SVIL: variants seen among roughly 807,000 people sequenced by gnomAD.
The protein encoded by SVIL is archvillin.
SVIL carries 101 observed loss-of-function variants against 240.4 expected under a neutral mutation model. That is an observed-to-expected ratio of 0.42 (90% CI 0.36 to 0.50). The LOEUF is 0.50. SVIL is among the 20% of genes least tolerant of loss of function. The pLI, the probability that SVIL is intolerant of heterozygous loss-of-function variation, is 0.01. For missense variants in SVIL, 2,512 were observed against 2,818.7 expected, an observed-to-expected ratio of 0.89 and a Z score of 2.46; for synonymous variants, 999 against 1,100.0, an observed-to-expected ratio of 0.91 and a Z score of 1.82.
chr10:29,464,429 AC>A (rs1944644954), intron 34 of SVIL, among the ~76,000 whole-genome samples: 1 of 152,148 alleles, frequency 6.6e-6, no homozygotes, highest in South Asian at 2.1e-4. Context: ...ACAGAGTAAG[AC>A]CCTGTCTCTA....
At chr10:29,696,849 C>T (rs1962081440) in intron 1 of SVIL, among the ~76,000 whole-genome samples, 1 of 150,834 alleles carries the variant, frequency 6.6e-6, no homozygotes. Context: ...CGGCCAACCG[C>T]CCTGTCCGGG....
chr10:29,459,463 A>C (rs1943973728), intron 36 of SVIL, among the ~76,000 whole-genome samples: 1 of 152,208 alleles, frequency 6.6e-6, no homozygotes, highest in Non-Finnish European at 1.5e-5. Context: ...AAACACCAGA[A>C]GCCTCCAAAT....
chr10:29,712,781 A>C (rs868435715), intron 1 of SVIL, among the ~76,000 whole-genome samples: 2 of 152,238 alleles, frequency 1.3e-5, no homozygotes, highest in Non-Finnish European at 2.9e-5. Flanking sequence ...AAAGAGAGGA[A>C]TGCGGAAGGT....
At chr10:29,637,194 A>T (rs1958338606), upstream of SVIL, among the ~76,000 whole-genome samples, 1 of 152,186 alleles carries the variant, frequency 6.6e-6, no homozygotes. Flanking sequence ...AAAAAGAAGA[A>T]AAAAGTTAGT....
chr10:29,634,413 C>T lies in SVIL; in HGVS notation c.-201+7G>A, dbSNP rs1242303063. On this transcript the variant is annotated splice_region_variant and intron_variant, in intron 1 of 37. Coordinates refer to ENST00000355867, the MANE Select transcript of SVIL (RefSeq NM_021738.3). ...CATTTAGATTTATAGGAAGATTTTT[C>T]ACTTACTTCAAATTTCTGTATAATC... 6.6e-6 allele frequency: 1 copy of T among 152,068 alleles called. No individual in the cohort carries two copies. The highest frequency in any genetic ancestry group is 1.5e-5 in the Non-Finnish European group (1 of 68,012). 9.4% of individuals were successfully genotyped at this position (152,068 alleles called of 1,614,324 possible).
chr10:29,647,626 T>A (rs74131921), intron 3 of SVIL, among the ~76,000 whole-genome samples: 1 of 113,136 alleles, frequency 8.8e-6, no homozygotes, highest in South Asian at 2.7e-4. Context: ...CAAATATAGG[T>A]GTGTGTGTGT....
intron 1 of SVIL, among the ~76,000 whole-genome samples, chr10:29,611,090 T>C (rs188204015): frequency 7.8e-4 from 119 of 152,232 alleles, no homozygotes; most frequent in Non-Finnish European, 1.5e-3. Context: ...GTAACACTTA[T>C]ACCCAACTCA....
chr10:29,559,178 T>A (rs531137849), intron 3 of SVIL, among the ~76,000 whole-genome samples: 1 of 152,084 alleles, frequency 6.6e-6, no homozygotes, highest in South Asian at 2.1e-4. Flanking sequence ...TGGTTGAAAA[T>A]CTTGAAGGTT....
chr10:29,675,145 C>A (rs2133066568), intron 2 of SVIL, among the ~76,000 whole-genome samples: 1 of 152,272 alleles, frequency 6.6e-6, no homozygotes, highest in Middle Eastern at 3.4e-3. Flanking sequence ...AGCAATCAGG[C>A]CAATGAGCCC....
At chr10:29,615,981 A>C (rs1362852770) in intron 1 of SVIL, among the ~76,000 whole-genome samples, 1 of 152,232 alleles carries the variant, frequency 6.6e-6, no homozygotes, top group African/African-American at 2.4e-5. Context: ...ATGGCATGAT[A>C]CCCCATATCT....
Position 29,458,498 on chromosome 10 carries a change from C to G in SVIL, c.6494G>C (p.Arg2165Thr). ...AGGATCGACCCCCTCCGGGAGTGGC[C>G]TGGCCAGGAGGTCGGCCAGCGGGTA... Reference protein sequence around the residue: ...TIYPLADLLARPLPEGVDPLK... With the variant: ...TIYPLADLLATPLPEGVDPLK... Residue 2165 changes from arginine (R) to threonine (T), a missense_variant, in exon 37 of 38, where the codon AGG (arginine) becomes ACG (threonine). Coordinates refer to ENST00000355867, the MANE Select transcript of SVIL (RefSeq NM_021738.3). The G allele has an allele frequency of 6.3e-7, 1 of 1,592,586 alleles. No individual in the cohort carries two copies. The highest frequency in any genetic ancestry group is 8.5e-7 in the Non-Finnish European group (1 of 1,169,734).
rs185968488 is a variant in SVIL, at chr10:29,645,501, T to C, written c.-201+12468A>G. 1.5e-3 allele frequency among the ~76,000 whole-genome samples: 235 copies of C among 151,800 alleles called. 1 individual carries two copies. The highest frequency in any genetic ancestry group is 2.4e-3 in the Non-Finnish European group (161 of 67,914). The stretch of plus-strand genomic sequence containing the variant: ...AGGAGGGTTGCTTGAACCCGGGAGG[T>C]GGAGTTTGCAGTGAGCCGGGATTGT... On this transcript the variant is annotated intron_variant, in intron 3 of 35. Coordinates refer to the SVIL transcript ENST00000375400.
At chr10:29,632,736 A>G (rs544529405) in intron 1 of SVIL, among the ~76,000 whole-genome samples, 8 of 152,226 alleles carry the variant, frequency 5.3e-5, no homozygotes, top group Non-Finnish European at 1.0e-4. Flanking sequence ...TAAATGCACC[A>G]ATAGTACTAA....
chr10:29,705,657 G>C (rs1034237065), intron 1 of SVIL, among the ~76,000 whole-genome samples: 8 of 152,048 alleles, frequency 5.3e-5, no homozygotes, highest in Admixed American at 1.3e-4. Context: ...CCCCCGAAAG[G>C]CCCCAGTGTG....
intron 2 of SVIL, among the ~76,000 whole-genome samples, chr10:29,683,817 A>G (rs760048907): frequency 1.1e-4 from 16 of 152,122 alleles, no homozygotes; most frequent in African/African-American, 2.4e-4. Context: ...GGCTCCCCCA[A>G]CTTGCCCCAG....
At chr10:29,531,625 G>A (rs975849105) in intron 9 of SVIL, among the ~76,000 whole-genome samples, 3 of 152,156 alleles carry the variant, frequency 2.0e-5, no homozygotes, top group Non-Finnish European at 4.4e-5. Context: ...AATACAACAA[G>A]TAGATGGACA....
chr10:29,579,582 C>A (rs1364454301), intron 1 of SVIL, among the ~76,000 whole-genome samples: 1 of 152,206 alleles, frequency 6.6e-6, no homozygotes, highest in East Asian at 1.9e-4. Flanking sequence ...AAAGCTAAGG[C>A]GTTAGATGAC....
chr10:29,575,976 T>G, intron 1 of SVIL: 1 of 344,156 alleles, frequency 2.9e-6, no homozygotes, highest in Non-Finnish European at 4.1e-6. Flanking sequence ...TATGTTTTGA[T>G]CACTGATGAA....
At chr10:29,608,396 G>A (rs1395103520) in intron 1 of SVIL, among the ~76,000 whole-genome samples, 1 of 152,246 alleles carries the variant, frequency 6.6e-6, no homozygotes, top group Non-Finnish European at 1.5e-5. Context: ...TGTGCACTCT[G>A]TGGAGCTGGC....
Sources: allele counts gnomAD v4.1 joint callset (sites outside exome capture counted in the v4.1 genomes callset), GRCh38; gene constraint gnomAD v4.1.1; transcripts MANE v1.5; gene names NCBI Gene and HGNC (gene_info 2026-07-23, HGNC 2026-07-21).